AOPEP: variants seen among roughly 807,000 people sequenced by gnomAD.
The protein encoded by AOPEP is aminopeptidase O (putative), also known as aminopeptidase O.
AOPEP carries 77 observed loss-of-function variants against 98.1 expected under a neutral mutation model. The ratio of observed to expected loss-of-function variants is 0.78; its 90% confidence interval spans 0.65 to 0.95. AOPEP has a LOEUF of 0.95. AOPEP is among the 40% of genes least tolerant of loss of function. The pLI is 0.00. For synonymous variants in AOPEP, 346 were observed against 365.3 expected, an observed-to-expected ratio of 0.95 and a Z score of 0.60; for missense variants, 1,024 against 1,024.7, an observed-to-expected ratio of 1.00 and a Z score of 0.01.
At chr9:95,102,811 G>A in the AOPEP span, among the ~76,000 whole-genome samples, 4 of 152,206 alleles carry the variant, frequency 2.6e-5, no homozygotes, top group South Asian at 2.1e-4. Flanking sequence ...GAATGGCAGC[G>A]TGGGGACGCA....
chr9:94,833,235 C>CTTTTTTTTT (rs34212567), intron 5 of AOPEP, among the ~76,000 whole-genome samples: 6 of 70,310 alleles, frequency 8.5e-5, no homozygotes, highest in Non-Finnish European at 1.3e-4. Context: ...CACACCCGTC[C>CTTTTTTTTT]TTTTTTTTTT....
chr9:94,999,101 A>T (rs1282203592), intron 11 of AOPEP, among the ~76,000 whole-genome samples: 1 of 152,096 alleles, frequency 6.6e-6, no homozygotes, highest in Non-Finnish European at 1.5e-5. Flanking sequence ...ATTTTCCCAG[A>T]TCCTCCCTTC....
intron 5 of AOPEP, among the ~76,000 whole-genome samples, chr9:94,820,281 G>A (rs1439825281): frequency 6.6e-6 from 1 of 152,068 alleles, no homozygotes; most frequent in Non-Finnish European, 1.5e-5. Context: ...CCCCACCTCT[G>A]TTCCGATTTT....
intron 1 of AOPEP, among the ~76,000 whole-genome samples, chr9:94,753,681 T>A (rs1192004934): frequency 1.3e-5 from 2 of 152,228 alleles, no homozygotes; most frequent in African/African-American, 4.8e-5. Context: ...ATAATTATAT[T>A]TTTTAAATAG....
intron 3 of AOPEP, among the ~76,000 whole-genome samples, chr9:94,791,327 C>T (rs938745389): frequency 2.0e-5 from 3 of 151,746 alleles, no homozygotes; most frequent in Non-Finnish European, 2.9e-5. Flanking sequence ...CAACAGACAC[C>T]AGGGCCTGCT....
the AOPEP span, among the ~76,000 whole-genome samples, chr9:95,107,870 G>T: frequency 1.3e-5 from 2 of 152,324 alleles, no homozygotes; most frequent in African/African-American, 4.8e-5. Context: ...GAGGCCACAA[G>T]TCTGTGGAAC....
chr9:94,934,906 T>G (rs1341988734), intron 7 of AOPEP: 1 of 152,312 alleles, frequency 6.6e-6, no homozygotes, highest in Non-Finnish European at 1.5e-5. Context: ...TGGTCTCATC[T>G]AAACCCCCAT....
At chr9:94,934,608 C>G (rs1202050885) in intron 7 of AOPEP, 1 of 152,216 alleles carries the variant, frequency 6.6e-6, no homozygotes. Flanking sequence ...TCTGCTCTCA[C>G]CAGTACAGGA....
chr9:94,948,891 C>T (rs2057891378), intron 7 of AOPEP, among the ~76,000 whole-genome samples: 1 of 152,204 alleles, frequency 6.6e-6, no homozygotes, highest in Non-Finnish European at 1.5e-5. Flanking sequence ...GGGCCTTCTC[C>T]ACTAGCCCAT....
chr9:94,829,057 C>T (rs865905806), intron 5 of AOPEP, among the ~76,000 whole-genome samples: 2 of 151,634 alleles, frequency 1.3e-5, no homozygotes, highest in Admixed American at 6.6e-5. Context: ...TTATTAGAGG[C>T]GGGGTTTCAC....
intron 13 of AOPEP, among the ~76,000 whole-genome samples, chr9:95,018,255 T>C (rs1008167342): frequency 6.6e-6 from 1 of 152,198 alleles, no homozygotes; most frequent in African/African-American, 2.4e-5. Flanking sequence ...CCACCAGCAG[T>C]GTTTAAGGTT....
chr9:94,888,293 C>CTGTG lies in AOPEP; in HGVS notation c.1365-35693_1365-35692insTGTG, dbSNP rs1465553293. On this transcript the variant is annotated intron_variant, in intron 5 of 16. Coordinates refer to ENST00000375315, the MANE Select transcript of AOPEP (RefSeq NM_001193329.3). The stretch of plus-strand genomic sequence containing the variant: ...TGAGATGGAATCATGAAGAACCTTA[C>CTGTG]CGTGTGTGTGTGTGTGTGTGTGTGT... 4.8e-3 allele frequency among the ~76,000 whole-genome samples: 171 copies of CTGTG among 35,676 alleles called. 1 individual carries two copies. Among genetic ancestry groups the CTGTG allele is most frequent in the African/African-American group, 0.012 (166 of 13,566 alleles). The allele number at this position is 35,676 out of a possible 152,430, so 23.4% of individuals were successfully genotyped here.
At chr9:95,127,196 T>A in the AOPEP span, 1 of 153,036 alleles carries the variant, frequency 6.5e-6, no homozygotes, top group African/African-American at 2.4e-5. Flanking sequence ...TCTGATTATT[T>A]GAGTCTGCAG....
intron 5 of AOPEP, among the ~76,000 whole-genome samples, 184 bp downstream of exon 5, chr9:94,801,186 A>T (rs1848148180): frequency 6.6e-6 from 1 of 152,220 alleles, no homozygotes; most frequent in Non-Finnish European, 1.5e-5. Flanking sequence ...CTCATGCACG[A>T]GCCTTTGAGT....
chr9:94,886,076 G>A (rs2048207824), intron 5 of AOPEP, among the ~76,000 whole-genome samples: 1 of 152,078 alleles, frequency 6.6e-6, no homozygotes, highest in African/African-American at 2.4e-5. Flanking sequence ...CTACAAAAAA[G>A]GTGTTGGTAA....
At chr9:94,929,831 C>T (rs1310973114) in intron 7 of AOPEP, among the ~76,000 whole-genome samples, 2 of 152,208 alleles carry the variant, frequency 1.3e-5, no homozygotes, top group East Asian at 1.9e-4. Flanking sequence ...AACTGGAGGG[C>T]GGCGCATAAG....
chr9:95,008,770 C>A (rs1326663535), intron 13 of AOPEP, among the ~76,000 whole-genome samples: 1 of 152,186 alleles, frequency 6.6e-6, no homozygotes, highest in Non-Finnish European at 1.5e-5. Flanking sequence ...TAACAGGCTT[C>A]ATTTCTTATC....
At chr9:95,085,205 G>A (rs2070473874) in intron 16 of AOPEP, 1 of 491,276 alleles carries the variant, frequency 2.0e-6, no homozygotes, top group Non-Finnish European at 4.3e-6. Flanking sequence ...GGGTGGCGCT[G>A]CTCTCAGGTG....
At chr9:95,073,374 T>A (rs1004769917) in intron 14 of AOPEP, among the ~76,000 whole-genome samples, 8 of 151,902 alleles carry the variant, frequency 5.3e-5, no homozygotes, top group Admixed American at 5.2e-4. Flanking sequence ...CGAGCTTGTA[T>A]GTAGGTTTTC....
Sources: allele counts gnomAD v4.1 joint callset (sites outside exome capture counted in the v4.1 genomes callset), GRCh38; gene constraint gnomAD v4.1.1; transcripts MANE v1.5; gene names NCBI Gene and HGNC (gene_info 2026-07-23, HGNC 2026-07-21).